SLC37A3: variants seen among roughly 807,000 people sequenced by gnomAD.
SLC37A3 encodes solute carrier family 37 member 3, also known as sugar phosphate exchanger 3.
SLC37A3 carries 51 observed loss-of-function variants against 67.1 expected under a neutral mutation model. The ratio of observed to expected loss-of-function variants is 0.76; its 90% CI spans 0.61 to 0.96. The LOEUF (loss-of-function observed/expected upper bound fraction) is 0.96. Ranked by LOEUF, SLC37A3 falls within the 40% of genes least tolerant of loss-of-function variation. The pLI, the probability that SLC37A3 is intolerant of heterozygous loss-of-function variation, is 0.00. For missense variants in SLC37A3, 508 were observed against 603.0 expected (o/e 0.84, Z 1.65); for synonymous variants, 214 against 231.4 (o/e 0.92, Z 0.68).
intron 7 of SLC37A3, among the ~76,000 whole-genome samples, chr7:140,353,815 C>A (rs911799995): frequency 2.0e-5 from 3 of 151,920 alleles, no homozygotes; most frequent in African/African-American, 7.3e-5. Flanking sequence ...TGGATTCAAG[C>A]AATTCTCTGC....
intron 12 of SLC37A3, 169 bp from the exon 13 acceptor site, chr7:140,343,732 C>G: frequency 6.2e-6 from 4 of 647,154 alleles, no homozygotes; most frequent in Non-Finnish European, 1.0e-5. Context: ...TTAACATCCA[C>G]GTTCCTGAAA....
Position 140,335,084 on chromosome 7 carries a change from A to G in SLC37A3, c.*328T>C, listed in dbSNP as rs1480983919. Reference sequence around the variant, plus strand: ...TCAAGGCTAGAGAAAGTTCAAGTCCAAAACAACAGTTAAGGTTAAAACGCT... The same window carrying G: ...TCAAGGCTAGAGAAAGTTCAAGTCCGAAACAACAGTTAAGGTTAAAACGCT... On this transcript the variant is annotated 3_prime_UTR_variant, in exon 15 of 15. Coordinates refer to ENST00000326232, the MANE Select transcript of SLC37A3 (RefSeq NM_207113.3). 4.1e-5 allele frequency: 34 copies of G among 838,714 alleles called. No individual in the cohort carries two copies. Among genetic ancestry groups the G allele is most frequent in the Non-Finnish European group, 1.3e-5 (7 of 557,464 alleles). 52.0% of individuals were successfully genotyped at this position (838,714 alleles called of 1,614,324 possible).
chr7:140,394,122 G>C (rs918957101), intron 1 of SLC37A3, among the ~76,000 whole-genome samples: 2 of 152,074 alleles, frequency 1.3e-5, no homozygotes, highest in African/African-American at 4.8e-5. Flanking sequence ...AGTGAGCCAA[G>C]GTTGCACCAT....
intron 9 of SLC37A3, 65 bp from the exon 10 acceptor site, chr7:140,348,832 G>T (rs1181832582): frequency 1.9e-6 from 3 of 1,575,298 alleles, no homozygotes; most frequent in Non-Finnish European, 2.6e-6. Flanking sequence ...CATTTTTAAT[G>T]TCATTTAAAA....
At chr7:140,352,219 T>C in intron 7 of SLC37A3, 73 bp from the exon 8 acceptor site, 1 of 174,682 alleles carries the variant, frequency 5.7e-6, no homozygotes, top group Non-Finnish European at 8.6e-6. Context: ...ATTAAAGGTG[T>C]GTGGGGGAAG....
chr7:140,358,635 C>A lies in SLC37A3; in HGVS notation c.521+5G>T, dbSNP rs1369537031. The stretch of plus-strand genomic sequence containing the variant: ...GAGAAATTAGAGAGGAAGGAAGTGG[C>A]ATACCCGGCTTTCCCAAACCAGTTG... On this transcript the variant is annotated splice_donor_5th_base_variant and intron_variant, in intron 6 of 14. Transcript: ENST00000326232. 1 of 1,614,054 alleles carries A rather than the reference C, an allele frequency of 6.2e-7. No homozygotes were observed. The highest frequency in any genetic ancestry group is 8.5e-7 in the Non-Finnish European group (1 of 1,179,968).
chr7:140,362,167 A>C (rs1797339881), intron 5 of SLC37A3, among the ~76,000 whole-genome samples: 2 of 118,742 alleles, frequency 1.7e-5, no homozygotes, highest in Non-Finnish European at 1.8e-5. Flanking sequence ...CCCGCCGCCC[A>C]TTGTCTGAGA....
intron 3 of SLC37A3, among the ~76,000 whole-genome samples, chr7:140,374,327 T>C (rs1466742419): frequency 6.6e-6 from 1 of 151,916 alleles, no homozygotes; most frequent in East Asian, 1.9e-4. Flanking sequence ...CAAAACCCCA[T>C]CTCTACCAAA....
intron 2 of SLC37A3, 77 bp from the exon 3 acceptor site, chr7:140,380,467 T>C (rs750568375): frequency 1.0e-6 from 1 of 997,792 alleles, no homozygotes; most frequent in Non-Finnish European, 1.5e-6. Context: ...TATAGGCCCA[T>C]TTCTTTTATT....
At chr7:140,370,517 T>G (rs1298314588) in intron 3 of SLC37A3, 1 of 152,182 alleles carries the variant, frequency 6.6e-6, no homozygotes, top group Admixed American at 6.6e-5. Context: ...GGTTAGTACT[T>G]GGATGGGAGA....
intron 6 of SLC37A3, 152 bp from the exon 7 acceptor site, chr7:140,355,916 T>C (rs1797007904): frequency 1.6e-6 from 1 of 620,960 alleles, no homozygotes; most frequent in Non-Finnish European, 2.8e-6. Context: ...TAAAATGGGC[T>C]GGGCGCAGTG....
At chr7:140,387,716 A>ATATTATATAAATATAC (rs1434668263) in intron 1 of SLC37A3, among the ~76,000 whole-genome samples, 1 of 73,280 alleles carries the variant, frequency 1.4e-5, no homozygotes, top group Non-Finnish European at 2.5e-5. Flanking sequence ...TAAATATACT[A>ATATTATATAAATATAC]TATATATTAT....
intron 6 of SLC37A3, among the ~76,000 whole-genome samples, chr7:140,356,102 G>A (rs1797015977): frequency 6.6e-6 from 1 of 151,364 alleles, no homozygotes; most frequent in East Asian, 1.9e-4. Context: ...ACTGAGGCAA[G>A]AGAATAGCTT....
Position 140,345,238 on chromosome 7 carries a change from AT to A in SLC37A3, c.1151del (p.Asn384MetfsTer4). On this transcript the variant is annotated frameshift_variant, in exon 12 of 15. Coordinates refer to ENST00000326232, the MANE Select transcript of SLC37A3 (RefSeq NM_207113.3). LOFTEE classifies it high-confidence loss of function. ...YSRSPNDKSI[N>X]ALLMTVTGFF... Reference sequence around the variant, plus strand: ...TACCTGTAACAGTCATCAGAAGGGCATTGATGGACTTATCATTTGGAGAACC... The same window carrying A: ...TACCTGTAACAGTCATCAGAAGGGCATGATGGACTTATCATTTGGAGAACC... 6.2e-7 allele frequency: 1 copy of A among 1,614,132 alleles called. No homozygotes were observed. Among genetic ancestry groups the A allele is most frequent in the Non-Finnish European group, 8.5e-7 (1 of 1,179,974 alleles).
intron 3 of SLC37A3, among the ~76,000 whole-genome samples, chr7:140,377,312 G>C (rs2129749461): frequency 6.6e-6 from 1 of 151,274 alleles, no homozygotes; most frequent in East Asian, 1.9e-4. Context: ...CAATCCTCCT[G>C]CCTAGGCCTC....
At chr7:140,368,332 G>A (rs1255233632) in intron 4 of SLC37A3, among the ~76,000 whole-genome samples, 2 of 151,974 alleles carry the variant, frequency 1.3e-5, no homozygotes, top group African/African-American at 4.8e-5. Context: ...TTGGGAGGCC[G>A]AGGCAAGCGG....
chr7:140,372,364 G>C (rs569492613), intron 3 of SLC37A3, among the ~76,000 whole-genome samples: 54 of 152,240 alleles, frequency 3.5e-4, no homozygotes, highest in African/African-American at 1.3e-3. Flanking sequence ...GCTCCAAGGG[G>C]GTCTGCAAGG....
At chr7:140,362,987 T>G (rs1371614418) in intron 5 of SLC37A3, among the ~76,000 whole-genome samples, 3 of 70,716 alleles carry the variant, frequency 4.2e-5, no homozygotes, top group Admixed American at 1.3e-4. Flanking sequence ...GGCCGGGAGG[T>G]GAGGGGCGCC....
chr7:140,338,911 C>T (rs973095174), intron 13 of SLC37A3, among the ~76,000 whole-genome samples: 8 of 151,438 alleles, frequency 5.3e-5, no homozygotes, highest in Non-Finnish European at 8.8e-5. Context: ...GGTGCCACCC[C>T]CCGCCCAGCT....
Sources: allele counts gnomAD v4.1 joint callset (sites outside exome capture counted in the v4.1 genomes callset), GRCh38; gene constraint gnomAD v4.1.1; transcripts MANE v1.5; gene names NCBI Gene and HGNC (gene_info 2026-07-23, HGNC 2026-07-21).